The following PEX14 variants were observed in gnomAD, a reference collection of about 807,000 sequenced individuals.
PEX14 encodes the protein peroxisomal membrane protein PEX14.
A neutral mutation model predicts 49.5 loss-of-function variants in PEX14; 15 were observed. The ratio of observed to expected loss-of-function variants is 0.30; its 90% CI spans 0.20 to 0.47. The LOEUF is 0.47. Ranked by LOEUF, PEX14 falls within the 20% of genes least tolerant of loss-of-function variation. PEX14 has a pLI of 1.00. For synonymous variants in PEX14, 210 were observed against 212.7 expected (o/e 0.99, Z 0.11); for missense variants, 398 against 494.8 (o/e 0.80, Z 1.86).
intron 2 of PEX14, among the ~76,000 whole-genome samples, chr1:10,523,474 A>G (rs2506886): frequency 0.81 from 123,056 of 151,884 alleles, 49,958 homozygotes; most frequent in Non-Finnish European, 0.83. Flanking sequence ...GGTATCAGCG[A>G]CTGCCTCATG....
At chr1:10,500,060 G>A (rs1300156158) in intron 2 of PEX14, among the ~76,000 whole-genome samples, 1 of 152,020 alleles carries the variant, frequency 6.6e-6, no homozygotes, top group African/African-American at 2.4e-5. Flanking sequence ...ACCAGAGGCT[G>A]GTAATCAGAA....
Position 10,494,354 on chromosome 1 carries a change from C to T in PEX14, c.37-920C>T, listed in dbSNP as rs930028856. On this transcript the variant is annotated intron_variant, in intron 1 of 8. Transcript: ENST00000356607. The surrounding 1 kb of genome is among the most constrained non-coding windows in gnomAD (Gnocchi z 4.3). ...CTCCTGGGACACACAGATTTTGCTG[C>T]ACTTGTCTGGATATTAACTGTAGAT... is the stretch of plus-strand genomic sequence containing the variant. 1.3e-5 allele frequency among the ~76,000 whole-genome samples: 2 copies of T among 152,334 alleles called. No individual in the cohort carries two copies. The highest frequency in any genetic ancestry group is 6.5e-5 in the Admixed American group (1 of 15,292).
intron 2 of PEX14, among the ~76,000 whole-genome samples, chr1:10,531,426 A>C (rs949123466): frequency 1.3e-4 from 20 of 152,196 alleles, no homozygotes; most frequent in African/African-American, 4.8e-4. Context: ...AGTCCTTGTT[A>C]AAACTCGAGT....
chr1:10,538,393 A>G (rs546952934), intron 3 of PEX14, among the ~76,000 whole-genome samples: 2 of 152,346 alleles, frequency 1.3e-5, no homozygotes, highest in African/African-American at 2.4e-5. Context: ...TTGAGATGCT[A>G]TCCTGCCCTT....
intron 4 of PEX14, among the ~76,000 whole-genome samples, chr1:10,604,484 G>T (rs115277413): frequency 6.6e-6 from 1 of 152,074 alleles, no homozygotes; most frequent in African/African-American, 2.4e-5. Context: ...AACTAGCCAG[G>T]CATGGTGGTG....
chr1:10,477,240 T>G (rs923512133), intron 1 of PEX14, among the ~76,000 whole-genome samples: 1 of 151,960 alleles, frequency 6.6e-6, no homozygotes, highest in Admixed American at 6.6e-5. Context: ...CCAGCTAATT[T>G]TTTGTGTTTT....
intron 1 of PEX14, among the ~76,000 whole-genome samples, chr1:10,483,786 C>T (rs929942887): frequency 3.3e-5 from 5 of 151,672 alleles, no homozygotes; most frequent in African/African-American, 1.2e-4. Flanking sequence ...ACCACCACTG[C>T]CACAAGCAAG....
intron 3 of PEX14, among the ~76,000 whole-genome samples, chr1:10,571,999 G>C (rs570754673): frequency 5.9e-5 from 9 of 152,062 alleles, no homozygotes; most frequent in Non-Finnish European, 1.2e-4. Context: ...AACAGAACAC[G>C]GAGCTTCCAG....
chr1:10,548,773 G>A (rs1639251470), intron 3 of PEX14, among the ~76,000 whole-genome samples: 1 of 152,200 alleles, frequency 6.6e-6, no homozygotes, highest in Non-Finnish European at 1.5e-5. Context: ...TAAACAGAGT[G>A]ATGGGGCAAG....
At chr1:10,537,033 T>A (rs1028162856) in intron 3 of PEX14, among the ~76,000 whole-genome samples, 1 of 152,188 alleles carries the variant, frequency 6.6e-6, no homozygotes, top group African/African-American at 2.4e-5. Context: ...AAAGCAAAAC[T>A]CTTTTTCCTT....
chr1:10,553,405 G>T (rs1639391108), intron 3 of PEX14, among the ~76,000 whole-genome samples: 1 of 152,200 alleles, frequency 6.6e-6, no homozygotes, highest in Non-Finnish European at 1.5e-5. Flanking sequence ...CGTGGTTAGT[G>T]GTTGGCCAGA....
At chr1:10,552,303 A>G (rs4845935) in intron 3 of PEX14, among the ~76,000 whole-genome samples, 146,942 of 152,202 alleles carry the variant, frequency 0.97, 71,138 homozygotes, top group East Asian at 1. Flanking sequence ...TTAGCTGGGC[A>G]TGGTGGCGGA....
chr1:10,573,184 T>C (rs573764795), intron 3 of PEX14, among the ~76,000 whole-genome samples: 9 of 152,374 alleles, frequency 5.9e-5, no homozygotes, highest in African/African-American at 2.2e-4. Flanking sequence ...AAATATCATG[T>C]GGCGCGTAAC....
chr1:10,556,717 A>AG (rs36096559), intron 3 of PEX14, among the ~76,000 whole-genome samples: 23,478 of 152,216 alleles, frequency 0.15, 2,070 homozygotes, highest in African/African-American at 0.24. Flanking sequence ...GTTTTGCTTA[A>AG]GAACTTTAAA....
At chr1:10,576,907 C>A (rs779475654) in intron 3 of PEX14, among the ~76,000 whole-genome samples, 21 of 151,988 alleles carry the variant, frequency 1.4e-4, no homozygotes, top group Non-Finnish European at 2.2e-4. Context: ...CAGGTGCCAC[C>A]ATGCCCGGCT....
At chr1:10,618,700 T>C (rs1641503946) in intron 5 of PEX14, among the ~76,000 whole-genome samples, 1 of 152,190 alleles carries the variant, frequency 6.6e-6, no homozygotes, top group South Asian at 2.1e-4. Flanking sequence ...TGCCAGCCCA[T>C]GTCAGGCACT....
chr1:10,543,249 C>T (rs1557835942), intron 3 of PEX14, among the ~76,000 whole-genome samples: 2 of 152,228 alleles, frequency 1.3e-5, no homozygotes, highest in Non-Finnish European at 2.9e-5. Context: ...ATTCATCTGC[C>T]TCAGCCTCCC....
intron 2 of PEX14, among the ~76,000 whole-genome samples, chr1:10,505,661 G>A (rs1641769369): frequency 6.7e-6 from 1 of 149,298 alleles, no homozygotes; most frequent in East Asian, 2.0e-4. Flanking sequence ...ACAGGTGTGA[G>A]CCACCCGGCC....
intron 3 of PEX14, among the ~76,000 whole-genome samples, chr1:10,543,257 C>T (rs957096365): frequency 4.6e-5 from 7 of 152,224 alleles, no homozygotes; most frequent in African/African-American, 1.7e-4. Flanking sequence ...GCCTCAGCCT[C>T]CCGAGTAACT....
Sources: allele counts gnomAD v4.1 joint callset (sites outside exome capture counted in the v4.1 genomes callset), GRCh38; gene constraint gnomAD v4.1.1; non-coding constraint Gnocchi (gnomAD v3.1); transcripts MANE v1.5; gene names NCBI Gene and HGNC (gene_info 2026-07-23, HGNC 2026-07-21).